GPC3: variants seen among roughly 807,000 people sequenced by gnomAD.
GPC3 encodes the protein glypican-3.
A neutral mutation model predicts 34.4 loss-of-function variants in GPC3; 3 were observed. The observed-to-expected ratio is 0.09, with a 90% CI of 0.04 to 0.23. GPC3 has a LOEUF of 0.23. GPC3 is among the 10% of genes least tolerant of loss of function. The probability of loss-of-function intolerance (pLI) is 1.00; values close to 1 mark genes in which losing one functional copy is unlikely to be tolerated. For missense variants in GPC3, 351 were observed against 445.6 expected, an observed-to-expected ratio of 0.79 and a Z score of 1.91; for synonymous variants, 177 against 174.0, an observed-to-expected ratio of 1.02 and a Z score of -0.13.
At chrX:133,863,902 G>A (rs369488607) in intron 2 of GPC3, among the ~76,000 whole-genome samples, 1 of 108,217 alleles carries the variant, frequency 9.2e-6, no homozygotes, top group Non-Finnish European at 1.9e-5. Context: ...TGATCCACCC[G>A]CCTCGGCCTC....
intron 7 of GPC3, among the ~76,000 whole-genome samples, chrX:133,546,263 T>C (rs2124270350): frequency 9.0e-6 from 1 of 111,137 alleles, no homozygotes; most frequent in Admixed American, 9.7e-5. Context: ...ATTACTTAAA[T>C]GTTCCTCACT....
At chrX:133,682,120 A>C (rs2070950265) in intron 5 of GPC3, among the ~76,000 whole-genome samples, 1 of 111,500 alleles carries the variant, frequency 9.0e-6, no homozygotes, top group Non-Finnish European at 1.9e-5. Flanking sequence ...GTGGTGGTAC[A>C]TGCCCATAAT....
At chrX:133,619,428 A>T (rs1248221949) in intron 6 of GPC3, among the ~76,000 whole-genome samples, 1 of 112,533 alleles carries the variant, frequency 8.9e-6, no homozygotes, top group Non-Finnish European at 1.9e-5. Flanking sequence ...AGGTGGAAAC[A>T]GCCAAAATGT....
chrX:133,951,090 G>GTC (rs1314634011), intron 2 of GPC3, among the ~76,000 whole-genome samples: 1 of 104,840 alleles, frequency 9.5e-6, no homozygotes, highest in Non-Finnish European at 2.0e-5. Context: ...GTGTGTGTGT[G>GTC]TGTGAAGTGA....
intron 7 of GPC3, among the ~76,000 whole-genome samples, chrX:133,545,205 C>T (rs188079686): frequency 1.8e-5 from 2 of 111,539 alleles, no homozygotes; most frequent in East Asian, 2.8e-4. Flanking sequence ...CTAGAGAAGA[C>T]AAGGGATGGG....
chrX:133,557,181 C>G (rs932939328), intron 7 of GPC3, among the ~76,000 whole-genome samples: 11 of 110,138 alleles, frequency 1.0e-4, no homozygotes, highest in Non-Finnish European at 1.9e-5. Flanking sequence ...GTAGTCCCAG[C>G]TACTGGGGAG....
intron 2 of GPC3, among the ~76,000 whole-genome samples, chrX:133,945,161 C>T (rs984846018): frequency 2.7e-5 from 3 of 111,389 alleles, no homozygotes; most frequent in African/African-American, 6.5e-5. Context: ...GAGGCCGAGG[C>T]GGGCAGATAG....
intron 2 of GPC3, among the ~76,000 whole-genome samples, chrX:133,946,058 T>C (rs73241310): frequency 1.8e-5 from 2 of 112,289 alleles, no homozygotes; most frequent in Non-Finnish European, 3.8e-5. Flanking sequence ...AATTTTGATC[T>C]ACTTGAAGGT....
chrX:133,639,742 T>C (rs1466939507), intron 6 of GPC3, among the ~76,000 whole-genome samples: 1 of 112,163 alleles, frequency 8.9e-6, no homozygotes, highest in Non-Finnish European at 1.9e-5. Flanking sequence ...ACGGAACATT[T>C]TGCAGACCAT....
At chrX:133,709,960 C>CA (rs1329853628) in intron 3 of GPC3, among the ~76,000 whole-genome samples, 1 of 111,877 alleles carries the variant, frequency 8.9e-6, no homozygotes, top group Non-Finnish European at 1.9e-5. Context: ...ATCTGATATA[C>CA]AGCACAGAGG....
intron 2 of GPC3, among the ~76,000 whole-genome samples, chrX:133,876,950 G>A (rs956064204): frequency 9.0e-6 from 1 of 111,731 alleles, no homozygotes; most frequent in Non-Finnish European, 1.9e-5. Context: ...GATGGTTTGA[G>A]AGCAATTTAA....
intron 6 of GPC3, among the ~76,000 whole-genome samples, chrX:133,650,457 C>CCACACACACA (rs537936603): frequency 1.4e-3 from 135 of 97,691 alleles, no homozygotes; most frequent in African/African-American, 4.5e-3. Flanking sequence ...ACACACCCAC[C>CCACACACACA]CACACACACA....
chrX:133,822,226 A>G (rs2075723075), intron 2 of GPC3, among the ~76,000 whole-genome samples: 1 of 111,808 alleles, frequency 8.9e-6, no homozygotes, highest in South Asian at 3.7e-4. Flanking sequence ...TATACTACTC[A>G]CCCGTTAATC....
chrX:133,953,727 T>C (rs1026476660), intron 1 of GPC3, among the ~76,000 whole-genome samples: 1 of 112,054 alleles, frequency 8.9e-6, no homozygotes, highest in African/African-American at 3.2e-5. Flanking sequence ...TGTTGTTGTT[T>C]TAACTAAAGG....
chrX:133,851,743 C>A (rs2075874683), intron 2 of GPC3, among the ~76,000 whole-genome samples: 1 of 112,164 alleles, frequency 8.9e-6, no homozygotes, highest in African/African-American at 3.2e-5. Context: ...GCTTATATCT[C>A]TGCAGGCTGG....
At position 133,985,413 on chromosome X, in the gene GPC3, C is replaced by G. The variant is rs2124655865; in HGVS notation, c.37G>C (p.Ala13Pro). Reference sequence around the variant, plus strand: ...GGGAAGTCCAAGCTGAGCAGCATCGCCACCACCAAGCACGCGGTGCGCACG... The same window carrying G: ...GGGAAGTCCAAGCTGAGCAGCATCGGCACCACCAAGCACGCGGTGCGCACG... The part of the protein sequence containing the change: ...GTVRTACLVV[A>P]MLLSLDFPGQ... The change falls in exon 1 of 8, where the codon GCG (alanine) becomes CCG (proline). Residue 13 changes from alanine to proline, a missense_variant. Physicochemically the swap from Ala to Pro is conservative, Grantham distance 27. Coordinates refer to ENST00000370818, the MANE Select transcript of GPC3 (RefSeq NM_004484.4). 3 of 1,184,473 alleles carry G rather than the reference C, an allele frequency of 2.5e-6. No individual in the cohort carries two copies. Among genetic ancestry groups the G allele is most frequent in the Non-Finnish European group, 3.4e-6 (3 of 881,834 alleles).
intron 2 of GPC3, among the ~76,000 whole-genome samples, chrX:133,935,997 C>G (rs1382653510): frequency 9.1e-6 from 1 of 109,967 alleles, no homozygotes; most frequent in East Asian, 2.8e-4. Context: ...ACTGCAACCT[C>G]TACCTCCCAG....
rs7052524 is a variant in GPC3 at position 133,617,962 on chromosome X, G to A, written c.1414-21363C>T. On this transcript the variant is annotated intron_variant, in intron 6 of 7. Transcript: ENST00000370818. ...ATGATTTCATTTATGTGTGTGAACC[G>A]AAACATTTTGAAAATACTAAAAATT... 1.3e-4 allele frequency among the ~76,000 whole-genome samples: 14 copies of A among 111,234 alleles called. No homozygotes were observed. In the South Asian group the frequency reaches 3.0e-3, roughly 24 times the overall value.
At position 133,823,128 on chromosome X, in the gene GPC3, CAAAAAAAAAAAAAAAAAAAAA is replaced by C. The variant is rs34231185; in HGVS notation, c.338-68973_338-68953del. On this transcript the variant is annotated intron_variant, in intron 2 of 7. Coordinates refer to ENST00000370818, the MANE Select transcript of GPC3 (RefSeq NM_004484.4). Reference sequence around the variant, plus strand: ...TGGGTGACAGAGCAAGACTCCGTCTCAAAAAAAAAAAAAAAAAAAAAAAAAAAAAAAAAAAAAACTGGCTGG... The same window carrying C: ...TGGGTGACAGAGCAAGACTCCGTCTCAAAAAAAAAAAAAAAAACTGGCTGG... Among the ~76,000 whole-genome samples, 35 of 18,869 alleles carry C rather than the reference CAAAAAAAAAAAAAAAAAAAAA, an allele frequency of 1.9e-3. No homozygotes were observed. In the East Asian group the frequency reaches 0.045, roughly 24 times the overall value. The allele number at this position is 18,869 out of a possible 115,157, so 16.4% of individuals were successfully genotyped here.
Sources: gnomAD v4.1 joint callset for allele counts (sites outside exome capture counted in the v4.1 genomes callset) on GRCh38, gnomAD v4.1.1 for gene constraint, MANE v1.5 for transcripts, NCBI Gene and HGNC (gene_info 2026-07-23, HGNC 2026-07-21) for gene names.